Variants in TENM3 observed in about 807,000 individuals in gnomAD.
The protein encoded by TENM3 is teneurin transmembrane protein 3.
Under a neutral mutation model 255.1 loss-of-function variants are expected in TENM3, and 63 were observed. The observed-to-expected ratio is 0.25, with a 90% CI of 0.20 to 0.30. The LOEUF (loss-of-function observed/expected upper bound fraction) is 0.30. Ranked by LOEUF, TENM3 falls within the 10% of genes least tolerant of loss-of-function variation. The probability of loss-of-function intolerance (pLI) is 1.00; values close to 1 mark genes in which losing one functional copy is unlikely to be tolerated. For synonymous variants in TENM3, 1,306 were observed against 1,322.3 expected (o/e 0.99, Z 0.27); for missense variants, 2,929 against 3,461.1 (o/e 0.85, Z 3.86).
intron 3 of TENM3, among the ~76,000 whole-genome samples, chr4:182,493,763 T>C (rs1343886587): frequency 6.6e-6 from 1 of 152,184 alleles, no homozygotes; most frequent in African/African-American, 2.4e-5. Context: ...TAAGACTTGA[T>C]TTCATGCACT....
chr4:182,801,085 A>C lies in TENM3; in HGVS notation c.*734A>C, dbSNP rs1461198002. On this transcript the variant is annotated 3_prime_UTR_variant, in exon 28 of 28. Transcript: ENST00000511685. ...GTCTCAGAGGAGTTAATTTATGTAA[A>C]GTGTTTAAAAATTTATACTTAAAAA... is the stretch of plus-strand genomic sequence containing the variant. 1 of 152,654 alleles carries C rather than the reference A, an allele frequency of 6.6e-6. No homozygotes were observed. The highest frequency in any genetic ancestry group is 2.4e-5 in the African/African-American group (1 of 41,452). The allele number at this position is 152,654 out of a possible 1,614,324, so 9.5% of individuals were successfully genotyped here. A position where few individuals can be genotyped will look rare whatever the true frequency, so the allele number is the denominator to read the frequency against.
At chr4:181,488,461 T>C in the TENM3 span, among the ~76,000 whole-genome samples, 6 of 152,144 alleles carry the variant, frequency 3.9e-5, no homozygotes, top group Non-Finnish European at 7.4e-5. Flanking sequence ...TCTGGAAAGA[T>C]TCGTTTTTTG....
the TENM3 span, among the ~76,000 whole-genome samples, chr4:181,601,689 A>C: frequency 6.6e-6 from 1 of 152,148 alleles, no homozygotes; most frequent in South Asian, 2.1e-4. Context: ...CTTTATAAAA[A>C]TGTTATTATA....
In TENM3 at chr4:182,800,232, G is replaced by T. The variant is rs758526586; in HGVS notation, c.7981G>T (p.Ala2661Ser). 19 of 1,592,726 alleles carry T rather than the reference G, an allele frequency of 1.2e-5. No individual in the cohort carries two copies. Among genetic ancestry groups the T allele is most frequent in the Non-Finnish European group, 1.6e-5 (19 of 1,177,754 alleles). Residue 2661 changes from alanine (A) to serine (S), a missense_variant, in exon 28 of 28, where the codon GCC (alanine) becomes TCC (serine). Transcript: ENST00000511685. ...GGGCGAGAAGCGGCAGCTGCTGAGC[G>T]CCGGCAAGGTGCAGGGCTACGACGG... ...TEGEKRQLLSAGKVQGYDGYY... is the reference protein window; with the variant it reads ...TEGEKRQLLSSGKVQGYDGYY...
intron 1 of TENM3, among the ~76,000 whole-genome samples, chr4:182,248,115 AT>A (rs1164506637): frequency 6.6e-6 from 1 of 152,220 alleles, no homozygotes; most frequent in African/African-American, 2.4e-5. Flanking sequence ...TATGAAATAC[AT>A]TTCATTATTT....
chr4:182,393,900 A>C (rs1462069023), intron 3 of TENM3, among the ~76,000 whole-genome samples: 1 of 152,182 alleles, frequency 6.6e-6, no homozygotes, highest in Non-Finnish European at 1.5e-5. Flanking sequence ...ACCAACTGAA[A>C]TGTGGCCAAC....
chr4:182,026,535 C>A, the TENM3 span, among the ~76,000 whole-genome samples: 1 of 152,088 alleles, frequency 6.6e-6, no homozygotes. Context: ...AAATATTTGC[C>A]CACACCAATG....
chr4:182,074,286 A>G, the TENM3 span, among the ~76,000 whole-genome samples: 1 of 152,174 alleles, frequency 6.6e-6, no homozygotes, highest in African/African-American at 2.4e-5. Context: ...CTGTGGGTGC[A>G]TCAGCAGGAA....
intron 1 of TENM3, among the ~76,000 whole-genome samples, chr4:182,234,990 C>G (rs931350337): frequency 6.6e-6 from 1 of 151,988 alleles, no homozygotes; most frequent in Non-Finnish European, 1.5e-5. Context: ...CATTTTAGAC[C>G]AAGAGGTCAC....
chr4:182,707,376 C>T (rs1472073276), intron 12 of TENM3, among the ~76,000 whole-genome samples: 1 of 152,072 alleles, frequency 6.6e-6, no homozygotes, highest in Non-Finnish European at 1.5e-5. Context: ...GCATACAATA[C>T]TATATATGAG....
intron 13 of TENM3, 61 bp from the exon 14 acceptor site, chr4:182,728,904 T>A (rs1561167885): frequency 3.0e-6 from 4 of 1,329,004 alleles, no homozygotes; most frequent in Non-Finnish European, 4.2e-6. Flanking sequence ...GAAACAAAAC[T>A]GATTCTACAT....
chr4:181,669,136 G>T, the TENM3 span, among the ~76,000 whole-genome samples: 1 of 152,116 alleles, frequency 6.6e-6, no homozygotes, highest in African/African-American at 2.4e-5. Flanking sequence ...GCCCTGTTTA[G>T]ATAACAAAGC....
chr4:182,737,198 G>C, intron 17 of TENM3, 123 bp downstream of exon 17: 1 of 1,045,276 alleles, frequency 9.6e-7, no homozygotes, highest in Non-Finnish European at 1.4e-6. Context: ...GGTTGTCCTA[G>C]GGATATTATA....
intron 4 of TENM3, among the ~76,000 whole-genome samples, chr4:182,622,759 A>G (rs1043877573): frequency 9.9e-5 from 15 of 152,284 alleles, no homozygotes; most frequent in African/African-American, 3.6e-4. Flanking sequence ...CCTCGTCTAC[A>G]TAATAGTCAC....
At chr4:181,688,641 G>A in the TENM3 span, among the ~76,000 whole-genome samples, 119,005 of 152,074 alleles carry the variant, frequency 0.78, 46,925 homozygotes, top group Admixed American at 0.88. Flanking sequence ...TGAGTATCTG[G>A]CTTCAACATT....
chr4:181,547,894 G>GT, the TENM3 span, among the ~76,000 whole-genome samples: 1 of 151,498 alleles, frequency 6.6e-6, no homozygotes, highest in African/African-American at 2.4e-5. Context: ...GTGCCATGTT[G>GT]GTGTGCTGCA....
chr4:181,897,726 T>G, the TENM3 span, among the ~76,000 whole-genome samples: 7 of 152,192 alleles, frequency 4.6e-5, no homozygotes, highest in Non-Finnish European at 8.8e-5. Flanking sequence ...CAAGGACAGT[T>G]TTTATGCTGG....
chr4:181,484,845 C>G, the TENM3 span, among the ~76,000 whole-genome samples: 2 of 151,796 alleles, frequency 1.3e-5, no homozygotes, highest in Non-Finnish European at 2.9e-5. Flanking sequence ...TATGTAAGGC[C>G]GGGCTAGCTA....
chr4:182,624,578 G>A (rs866601066), intron 4 of TENM3, among the ~76,000 whole-genome samples: 2 of 152,124 alleles, frequency 1.3e-5, no homozygotes, highest in South Asian at 2.1e-4. Flanking sequence ...GCTCCCCTCA[G>A]GTTCTCCACC....
Sources: allele counts gnomAD v4.1 joint callset (sites outside exome capture counted in the v4.1 genomes callset), GRCh38; gene constraint gnomAD v4.1.1; transcripts MANE v1.5; gene names NCBI Gene and HGNC (gene_info 2026-07-23, HGNC 2026-07-21).